The following TMEM67 variants were observed in gnomAD, a reference collection of about 807,000 sequenced individuals.
TMEM67 encodes meckelin.
A neutral mutation model predicts 136.6 loss-of-function variants in TMEM67; 124 were observed. The observed-to-expected ratio is 0.91, with a 90% confidence interval of 0.78 to 1.05. The LOEUF is 1.05. TMEM67 is among the 50% of genes least tolerant of loss of function. The pLI is 0.00. For missense variants in TMEM67, 1,107 were observed against 1,178.4 expected (o/e 0.94, Z 0.89); for synonymous variants, 364 against 390.5 (o/e 0.93, Z 0.80).
Position 93,816,481 on chromosome 8 carries a change from G to A in TMEM67, c.*29G>A, listed in dbSNP as rs1808912538. 18 of 1,304,938 alleles carry A rather than the reference G, an allele frequency of 1.4e-5. No homozygotes were observed. The highest frequency in any genetic ancestry group is 1.9e-5 in the Non-Finnish European group (17 of 906,366). 80.8% of individuals were successfully genotyped at this position (1,304,938 alleles called of 1,614,324 possible). On this transcript the variant is annotated 3_prime_UTR_variant, in exon 28 of 28. Coordinates refer to ENST00000453321, the MANE Select transcript of TMEM67 (RefSeq NM_153704.6). ...CCTGAATAAATAACTTAAAGACTCA[G>A]TATAATCATGGCCAAAAAAAAGTCA...
chr8:93,791,410 C>T (rs1477619191), intron 15 of TMEM67, 91 bp downstream of exon 15: 18 of 879,940 alleles, frequency 2.0e-5, no homozygotes, highest in Non-Finnish European at 3.1e-5. Context: ...ACAAATTTGC[C>T]AGCTATTCTT....
chr8:93,781,778 T>C, intron 10 of TMEM67, 34 bp downstream of exon 10: 2 of 1,319,708 alleles, frequency 1.5e-6, no homozygotes, highest in Non-Finnish European at 2.2e-6. Context: ...ATTAATAACA[T>C]GCATTATTTT....
chr8:93,769,911 A>T (rs1306774573), intron 6 of TMEM67, among the ~76,000 whole-genome samples: 1 of 152,210 alleles, frequency 6.6e-6, no homozygotes, highest in East Asian at 1.9e-4. Context: ...TTTCTTAGAG[A>T]ACAAAATTGG....
intron 16 of TMEM67, among the ~76,000 whole-genome samples, chr8:93,793,919 C>T (rs1056077663): frequency 1.3e-5 from 2 of 151,904 alleles, no homozygotes; most frequent in African/African-American, 4.8e-5. Context: ...GAGACGGAGT[C>T]TCACTCTGTC....
chr8:93,814,223 T>C (rs1808811853), intron 26 of TMEM67, among the ~76,000 whole-genome samples: 1 of 136,254 alleles, frequency 7.3e-6, no homozygotes, highest in African/African-American at 2.8e-5. Context: ...CACTGCAAGC[T>C]CCGCCTCCCA....
the TMEM67 span, among the ~76,000 whole-genome samples, chr8:93,826,663 G>C: frequency 2.6e-5 from 4 of 152,166 alleles, no homozygotes; most frequent in African/African-American, 9.6e-5. Flanking sequence ...TCATTTATAA[G>C]CCCAATGATC....
intron 3 of TMEM67, among the ~76,000 whole-genome samples, chr8:93,760,281 C>T (rs534135349): frequency 2.8e-4 from 43 of 152,196 alleles, no homozygotes; most frequent in African/African-American, 1.0e-3. Flanking sequence ...ACTATAATCA[C>T]ATATATGACA....
chr8:93,803,678 GA>G lies in TMEM67; in HGVS notation c.2317del (p.Ser773ValfsTer33), dbSNP rs1240316434. On this transcript the variant is annotated frameshift_variant, in exon 22 of 28. Transcript: ENST00000453321. LOFTEE classifies it high-confidence loss of function. ...GACAGTTCGTTGATTTATGCTCTAT[GA>G]GTAATGTAAGTACTTTCTGACTTCA... ...IRQFVDLCSMSNISVFLLSHK... is the reference protein window; with the variant it reads ...IRQFVDLCSMXNISVFLLSHK... 1.3e-5 allele frequency: 20 copies of G among 1,552,234 alleles called. No individual in the cohort carries two copies. The highest frequency in any genetic ancestry group is 1.7e-5 in the Non-Finnish European group (19 of 1,124,468).
chr8:93,830,740 T>C, the TMEM67 span, among the ~76,000 whole-genome samples: 3 of 152,238 alleles, frequency 2.0e-5, no homozygotes, highest in Non-Finnish European at 2.9e-5. Context: ...CTTCTTGTAA[T>C]ATAACAAGCC....
chr8:93,795,888 A>AT lies in TMEM67; in HGVS notation c.1774-8dup, dbSNP rs1231704263. The AT allele has an allele frequency of 6.4e-7, 1 of 1,552,416 alleles. No homozygotes were observed. Among genetic ancestry groups the AT allele is most frequent in the Non-Finnish European group, 8.9e-7 (1 of 1,128,842 alleles). ...GTGTGTGATAATATTTAATCAAGTAATTTTTATTATAGGCACAGAAGTCTG... is the reference window on the plus strand; with the variant it reads ...GTGTGTGATAATATTTAATCAAGTAATTTTTTATTATAGGCACAGAAGTCTG... On this transcript the variant is annotated splice_polypyrimidine_tract_variant and intron_variant, in intron 17 of 27. Coordinates refer to ENST00000453321, the MANE Select transcript of TMEM67 (RefSeq NM_153704.6).
intron 10 of TMEM67, 52 bp downstream of exon 10, chr8:93,781,796 G>A: frequency 9.1e-7 from 1 of 1,103,488 alleles, no homozygotes; most frequent in African/African-American, 1.6e-5. Flanking sequence ...TTTTGCCTGA[G>A]ACAAAGCCAA....
At chr8:93,797,847 C>T (rs944104738) in intron 20 of TMEM67, among the ~76,000 whole-genome samples, 9 of 151,992 alleles carry the variant, frequency 5.9e-5, no homozygotes, top group South Asian at 2.1e-4. Context: ...CTGGGCATGG[C>T]GGCACATGCC....
At chr8:93,808,526 T>TATTATAG (rs1808552687) in intron 23 of TMEM67, among the ~76,000 whole-genome samples, 1 of 131,104 alleles carries the variant, frequency 7.6e-6, no homozygotes, top group Non-Finnish European at 1.6e-5. Context: ...ATTTATAATC[T>TATTATAG]ATATATATCT....
intron 6 of TMEM67, among the ~76,000 whole-genome samples, chr8:93,766,089 G>T (rs1283460595): frequency 6.6e-6 from 1 of 151,928 alleles, no homozygotes; most frequent in Admixed American, 6.6e-5. Context: ...GAGAAATCAG[G>T]ATTATTCTTA....
intron 21 of TMEM67, among the ~76,000 whole-genome samples, chr8:93,800,381 A>G (rs1304817937): frequency 6.6e-6 from 1 of 152,152 alleles, no homozygotes; most frequent in Non-Finnish European, 1.5e-5. Flanking sequence ...TACAGTGTTC[A>G]CAGAATGCAA....
intron 4 of TMEM67, among the ~76,000 whole-genome samples, chr8:93,764,471 C>G (rs1016395173): frequency 6.7e-6 from 1 of 148,354 alleles, no homozygotes; most frequent in Non-Finnish European, 1.5e-5. Context: ...TCTGTTGCTT[C>G]CTGTTCCCCC....
chr8:93,796,006 G>T lies in TMEM67; in HGVS notation c.1860+19G>T, dbSNP rs373634556. 9 of 1,558,338 alleles carry T rather than the reference G, an allele frequency of 5.8e-6. No homozygotes were observed. Among genetic ancestry groups the T allele is most frequent in the Admixed American group, 1.7e-5 (1 of 59,872 alleles). ...TCTGAAGGTAAGTTTTAAAGGACAG[G>T]TTACCAAATTTAAAAGGCCTGCTAA... On this transcript the variant is annotated intron_variant, in intron 18 of 27. Coordinates refer to ENST00000453321, the MANE Select transcript of TMEM67 (RefSeq NM_153704.6).
chr8:93,827,759 C>G, the TMEM67 span, among the ~76,000 whole-genome samples: 1 of 150,996 alleles, frequency 6.6e-6, no homozygotes. Flanking sequence ...TGCCTGGCTT[C>G]CCTTCTTTTT....
Position 93,797,203 on chromosome 8 carries a change from C to A in TMEM67, c.1930C>A (p.Pro644Thr). 1 of 1,613,270 alleles carries A rather than the reference C, an allele frequency of 6.2e-7. No homozygotes were observed. Among genetic ancestry groups the A allele is most frequent in the Non-Finnish European group, 8.5e-7 (1 of 1,179,386 alleles). Reference protein sequence around the residue: ...IDVFFIDWERPKGKVLKAVEG... With the variant: ...IDVFFIDWERTKGKVLKAVEG... The stretch of plus-strand genomic sequence containing the variant: ...TGTATTCTTTATTGATTGGGAGCGA[C>A]CTAAAGGAAAGGTTCTTAAAGCTGT... The change falls in exon 19 of 28, where the codon CCT becomes ACT. Residue 644 changes from proline (P) to threonine (T), a missense_variant. Physicochemically the swap from Pro to Thr is conservative, Grantham distance 38 (BLOSUM62 -1). Around this residue, in one of 3 missense-constraint regions of TMEM67, gnomAD observed 925 missense variants for 1,002.4 expected, o/e 0.92. Transcript: ENST00000453321.
Sources: allele counts gnomAD v4.1 joint callset (sites outside exome capture counted in the v4.1 genomes callset), GRCh38; gene constraint gnomAD v4.1.1; regional missense constraint gnomAD v4.1.1; transcripts MANE v1.5; gene names NCBI Gene and HGNC (gene_info 2026-07-23, HGNC 2026-07-21).